Variants in LRRC38 observed in about 807,000 individuals in gnomAD.
LRRC38 encodes leucine rich repeat containing 38.
Under a neutral mutation model 16.4 loss-of-function variants are expected in LRRC38, and 5 were observed. The ratio of observed to expected loss-of-function variants is 0.31; its 90% CI spans 0.16 to 0.64. The LOEUF (loss-of-function observed/expected upper bound fraction) is 0.64. Among genes scored for constraint, LRRC38 ranks in the 30% least tolerant of loss-of-function variants. The pLI, the probability that LRRC38 is intolerant of heterozygous loss-of-function variation, is 0.80. For missense variants in LRRC38, 341 were observed against 401.8 expected, an observed-to-expected ratio of 0.85 and a Z score of 1.29; for synonymous variants, 191 against 190.2, an observed-to-expected ratio of 1.00 and a Z score of -0.04.
In LRRC38 at chr1:13,513,639, G is replaced by A. The variant is rs1291194252; in HGVS notation, c.-46C>T. On this transcript the variant is annotated 5_prime_UTR_variant, in exon 1 of 2. Transcript: ENST00000376085. ...CCGCGGCGAGAAGGAAGCGGCTCTC[G>A]GAGCGAGCCCTGGCGCGGGACGGCG... 1 of 1,041,726 alleles carries A rather than the reference G, an allele frequency of 9.6e-7. No homozygotes were observed. 64.5% of individuals were successfully genotyped at this position (1,041,726 alleles called of 1,614,324 possible). A position where few individuals can be genotyped will look rare whatever the true frequency, so the allele number is the denominator to read the frequency against.
intron 1 of LRRC38, among the ~76,000 whole-genome samples, chr1:13,498,249 CAAAA>C (rs112781450): frequency 1.4e-5 from 2 of 147,236 alleles, no homozygotes; most frequent in Admixed American, 6.8e-5. Flanking sequence ...CAAAACAAAA[CAAAA>C]AAAAAAAGAG....
intron 1 of LRRC38, among the ~76,000 whole-genome samples, chr1:13,479,094 G>A (rs1307140027): frequency 6.6e-6 from 1 of 151,832 alleles, no homozygotes; most frequent in Admixed American, 6.6e-5. Flanking sequence ...AATAAAACAG[G>A]AGAGCTTTAT....
In LRRC38 at chr1:13,498,668, A is replaced by T. The variant is rs573434052; in HGVS notation, c.631+14295T>A. 2.3e-4 allele frequency among the ~76,000 whole-genome samples: 35 copies of T among 152,068 alleles called. No homozygotes were observed. The South Asian group carries it at 6.9e-3, about 30-fold the overall frequency. ...AAAATAAAAACCAAATAAACAAAAA[A>T]ACCTAAGGGCTGGACCCATTCTAGA... On this transcript the variant is annotated intron_variant, in intron 1 of 1. Transcript: ENST00000376085.
intron 1 of LRRC38, among the ~76,000 whole-genome samples, chr1:13,493,578 A>G (rs1639043708): frequency 6.6e-6 from 1 of 151,976 alleles, no homozygotes; most frequent in South Asian, 2.1e-4. Flanking sequence ...GGATGGGGGG[A>G]TTATCCTGGA....
chr1:13,482,594 AAAAG>A (rs1174414729), intron 1 of LRRC38, among the ~76,000 whole-genome samples: 2 of 151,494 alleles, frequency 1.3e-5, no homozygotes, highest in South Asian at 2.1e-4. Flanking sequence ...AAAAAAAAAA[AAAAG>A]AAAGTGCAAC....
chr1:13,491,325 A>AATTTTTT (rs1225845129), intron 1 of LRRC38, among the ~76,000 whole-genome samples: 1 of 151,940 alleles, frequency 6.6e-6, no homozygotes, highest in South Asian at 2.1e-4. Context: ...TCCAGTTCAA[A>AATTTTTT]ATTTTTTATT....
intron 1 of LRRC38, among the ~76,000 whole-genome samples, chr1:13,480,066 C>T (rs796726913): frequency 1.1e-4 from 17 of 152,308 alleles, no homozygotes; most frequent in African/African-American, 3.6e-4. Context: ...GTCTCCAGTC[C>T]GGGAGTGGTG....
intron 1 of LRRC38, among the ~76,000 whole-genome samples, chr1:13,503,527 C>T (rs1459744495): frequency 6.6e-6 from 1 of 152,204 alleles, no homozygotes. Flanking sequence ...CCTCAGCCTC[C>T]CAAAGTGCTG....
At chr1:13,505,681 C>G (rs1305549735) in intron 1 of LRRC38, among the ~76,000 whole-genome samples, 4 of 152,082 alleles carry the variant, frequency 2.6e-5, no homozygotes, top group African/African-American at 9.7e-5. Flanking sequence ...GTAACTACAA[C>G]AAGAAGATGT....
chr1:13,512,922 C>T, intron 1 of LRRC38, 41 bp downstream of exon 1: 2 of 1,218,336 alleles, frequency 1.6e-6, no homozygotes, highest in Non-Finnish European at 1.1e-6. Context: ...CCTCTCCCTG[C>T]CCCCCTCCCT....
intron 1 of LRRC38, among the ~76,000 whole-genome samples, chr1:13,489,381 C>A (rs1367529131): frequency 6.6e-6 from 1 of 152,206 alleles, no homozygotes; most frequent in East Asian, 1.9e-4. Context: ...CTTGGTTTCA[C>A]AGCATCATAG....
chr1:13,513,547 C>T lies in LRRC38; in HGVS notation c.47G>A (p.Cys16Tyr). ...PACAAAALGL[C>Y]SLLLLLAPGH... ...GGGCGCGAGCAGCAGCAGAAGGCTG[C>T]AGAGCCCGAGCGCCGCGGCGGCGCA... Residue 16 changes from cysteine to tyrosine, a missense_variant, in exon 1 of 2, where the codon TGC (cysteine) becomes TAC (tyrosine). Cys to Tyr is a radical substitution (Grantham distance 194, BLOSUM62 -2). Coordinates refer to ENST00000376085, the MANE Select transcript of LRRC38 (RefSeq NM_001010847.2). The T allele has an allele frequency of 7.8e-7, 1 of 1,276,936 alleles. No individual in the cohort carries two copies. The highest frequency in any genetic ancestry group is 3.0e-5 in the South Asian group (1 of 33,552). 79.1% of individuals were successfully genotyped at this position (1,276,936 alleles called of 1,614,324 possible).
At chr1:13,512,844 G>T in intron 1 of LRRC38, 119 bp downstream of exon 1, 1 of 1,089,528 alleles carries the variant, frequency 9.2e-7, no homozygotes, top group Non-Finnish European at 1.3e-6. Flanking sequence ...AAAAGTTCAG[G>T]ATCCCCCAAG....
rs1383787487 is a variant in LRRC38, at chr1:13,513,069, C to T, written c.525G>A (p.Leu175=). The change falls in exon 1 of 2, where the codon CTG becomes CTA. Residue 175 remains leucine, a synonymous_variant. Coordinates refer to ENST00000376085, the MANE Select transcript of LRRC38 (RefSeq NM_001010847.2). ...CCAGACGCAGGGAGCGCAGCGCGGG[C>T]AGCGCGGCCAGGGCGGCCACGCTGA... is the stretch of plus-strand genomic sequence containing the variant. The part of the protein sequence containing the change: ...RSLSVAALAA[L]PALRSLRLDG... 1 of 1,549,984 alleles carries T rather than the reference C, an allele frequency of 6.5e-7. No individual in the cohort carries two copies. The highest frequency in any genetic ancestry group is 2.0e-5 in the Admixed American group (1 of 50,972).
intron 1 of LRRC38, among the ~76,000 whole-genome samples, chr1:13,479,604 G>C (rs531203482): frequency 1.1e-4 from 17 of 152,328 alleles, no homozygotes; most frequent in African/African-American, 4.1e-4. Flanking sequence ...AAATGGGCTT[G>C]TTTGAAAAAC....
chr1:13,475,880 T>A lies in LRRC38; in HGVS notation c.851A>T (p.Asp284Val). 6.4e-7 allele frequency: 1 copy of A among 1,550,464 alleles called. No individual in the cohort carries two copies. The highest frequency in any genetic ancestry group is 1.7e-4 in the Middle Eastern group (1 of 5,874). The change falls in exon 2 of 2, where the codon GAT becomes GTT. Residue 284 changes from aspartate (D) to valine (V), a missense_variant. Transcript: ENST00000376085. This position sits in a 1 kb window ranked among gnomAD's most constrained non-coding sequence, Gnocchi z 4.3. ...CTTGTCCTCGTCTTCATCCTCCGCA[T>A]CTTTGTTGGGTGCGCACCTCTGGAG... is the stretch of plus-strand genomic sequence containing the variant. Reference protein sequence around the residue: ...QCLQRCAPNKDAEDEDEDKDD With the variant: ...QCLQRCAPNKVAEDEDEDKDD
intron 1 of LRRC38, among the ~76,000 whole-genome samples, chr1:13,476,778 A>G (rs1638793829): frequency 1.3e-5 from 2 of 152,238 alleles, no homozygotes; most frequent in Admixed American, 1.3e-4. Flanking sequence ...GGGATGGGTC[A>G]GTGCCAACTA....
In LRRC38 at chr1:13,513,198, C is replaced by G. The variant is rs1263191963; in HGVS notation, c.396G>C (p.Lys132Asn). ...GAFRSAGRLV[K>N]LSLANNNLVG... ...CCAGGTTGTTGTTAGCCAGGCTAAGCTTCACCAGCCTCCCGGCCGAGCGGA... is the reference window on the plus strand; with the variant it reads ...CCAGGTTGTTGTTAGCCAGGCTAAGGTTCACCAGCCTCCCGGCCGAGCGGA... The change falls in exon 1 of 2, where the codon AAG (lysine) becomes AAC (asparagine). Residue 132 changes from lysine (K) to asparagine (N), a missense_variant. Coordinates refer to ENST00000376085, the MANE Select transcript of LRRC38 (RefSeq NM_001010847.2). 1 of 1,550,504 alleles carries G rather than the reference C, an allele frequency of 6.4e-7. No homozygotes were observed. The highest frequency in any genetic ancestry group is 1.2e-5 in the South Asian group (1 of 84,062).
At chr1:13,511,735 G>A (rs1366033474) in intron 1 of LRRC38, among the ~76,000 whole-genome samples, 1 of 152,104 alleles carries the variant, frequency 6.6e-6, no homozygotes, top group Non-Finnish European at 1.5e-5. Context: ...AAGTGGATGA[G>A]GACAAAGTTT....
Sources: gnomAD v4.1 joint callset for allele counts (sites outside exome capture counted in the v4.1 genomes callset) on GRCh38, gnomAD v4.1.1 for gene constraint, Gnocchi (gnomAD v3.1) non-coding constraint, MANE v1.5 for transcripts, NCBI Gene and HGNC (gene_info 2026-07-23, HGNC 2026-07-21) for gene names.